The following PCDHGA2 variants were observed in gnomAD, a reference collection of about 807,000 sequenced individuals.
PCDHGA2 encodes the protein protocadherin gamma-A2.
PCDHGA2 carries 40 observed loss-of-function variants against 59.2 expected under a neutral mutation model. The ratio of observed to expected loss-of-function variants is 0.68; its 90% confidence interval spans 0.52 to 0.88. The LOEUF is 0.88. PCDHGA2 is among the 40% of genes least tolerant of loss of function. The pLI is 0.00. For missense variants in PCDHGA2, 1,226 were observed against 1,204.0 expected, an observed-to-expected ratio of 1.02 and a Z score of -0.27; for synonymous variants, 560 against 526.0, an observed-to-expected ratio of 1.06 and a Z score of -0.89.
In PCDHGA2 at chr5:141,339,963, C is replaced by G; in HGVS notation, c.992C>G (p.Ala331Gly). Residue 331 changes from alanine to glycine, a missense_variant, in exon 1 of 4, where the codon GCG becomes GGG. Ala to Gly is a moderately conservative substitution (Grantham distance 60). Transcript: ENST00000394576. Reference protein sequence around the residue: ...AQDGPGLLTRAKVIVTVLDVN... With the variant: ...AQDGPGLLTRGKVIVTVLDVN... Reference sequence around the variant, plus strand: ...GATGGTCCGGGCCTTCTAACCAGAGCGAAGGTTATCGTCACGGTTCTGGAT... The same window carrying G: ...GATGGTCCGGGCCTTCTAACCAGAGGGAAGGTTATCGTCACGGTTCTGGAT... 6.2e-7 allele frequency: 1 copy of G among 1,613,992 alleles called. No homozygotes were observed.
intron 2 of PCDHGA2, among the ~76,000 whole-genome samples, chr5:141,498,815 C>T (rs1595543994): frequency 6.6e-6 from 1 of 152,032 alleles, no homozygotes. Flanking sequence ...CACCTGTAGT[C>T]CCAGCTACTC....
chr5:141,364,866 C>T (rs749361969), intron 1 of PCDHGA2: 1 of 1,614,016 alleles, frequency 6.2e-7, no homozygotes, highest in Non-Finnish European at 8.5e-7. Context: ...CTGCACTTCT[C>T]TCTGGATGTG....
At chr5:141,388,971 CAT>C (rs1456846164) in intron 1 of PCDHGA2, 3 of 1,613,890 alleles carry the variant, frequency 1.9e-6, no homozygotes, top group Non-Finnish European at 2.5e-6. Context: ...GCTGGGAACA[CAT>C]ATTGCTTTGC....
rs1363636662 is a variant in PCDHGA2, at chr5:141,356,692, G to C, written c.2424+15297G>C. ...CTCCCTGGCCGAAGACACCTTCCAG[G>C]GTGCACCTCTGTCCTCCTATGTCTC... On this transcript the variant is annotated intron_variant, in intron 1 of 3. Transcript: ENST00000394576. The C allele has an allele frequency of 1.2e-6, 2 of 1,613,832 alleles. No homozygotes were observed. Among genetic ancestry groups the C allele is most frequent in the African/African-American group, 2.7e-5 (2 of 74,892 alleles).
At position 141,346,183 on chromosome 5, in the gene PCDHGA2, G is replaced by A. The variant is rs751662730; in HGVS notation, c.2424+4788G>A. On this transcript the variant is annotated intron_variant, in intron 1 of 3. Transcript: ENST00000394576. ...ATCGTGCTGCTGGCGCTCAGGCTGC[G>A]GCGCTGGCACAAGTCACGCCTGCTG... The A allele has an allele frequency of 4.2e-5, 68 of 1,613,934 alleles. No individual in the cohort carries two copies. The highest frequency in any genetic ancestry group is 2.0e-4 in the Admixed American group (12 of 59,996).
chr5:141,350,950 G>C (rs781241590), intron 1 of PCDHGA2: 1 of 1,613,932 alleles, frequency 6.2e-7, no homozygotes, highest in Non-Finnish European at 8.5e-7. Flanking sequence ...TCCGAGTTAC[G>C]GATGCCAATG....
At position 141,486,230 on chromosome 5, in the gene PCDHGA2, A is replaced by G. The variant is rs1463946178; in HGVS notation, c.2425-8577A>G. ...TGACAATGCCCCTTACATCACAGTG[A>G]CCTCAGAGCTTGGAACCCTCCCCGA... On this transcript the variant is annotated intron_variant, in intron 1 of 3. Coordinates refer to ENST00000394576, the MANE Select transcript of PCDHGA2 (RefSeq NM_018915.4). This position sits in a 1 kb window ranked among gnomAD's most constrained non-coding sequence, Gnocchi z 5.0. 2 of 1,613,898 alleles carry G rather than the reference A, an allele frequency of 1.2e-6. No individual in the cohort carries two copies. The highest frequency in any genetic ancestry group is 2.2e-5 in the East Asian group (1 of 44,878).
At chr5:141,426,334 C>T (rs551131722) in intron 1 of PCDHGA2, 1 of 186,734 alleles carries the variant, frequency 5.4e-6, no homozygotes, top group South Asian at 1.1e-4. Flanking sequence ...GTGGCAAGCA[C>T]TCTTCCCTTT....
Position 141,431,529 on chromosome 5 carries a change from T to G in PCDHGA2, c.2425-63278T>G, listed in dbSNP as rs145601545. The G allele has an allele frequency of 2.5e-6, 4 of 1,614,074 alleles. No homozygotes were observed. The highest frequency in any genetic ancestry group is 3.4e-6 in the Non-Finnish European group (4 of 1,180,030). ...GCGAGCGTTCCGGAGAATCTGGCCT[T>G]GGGCACGCAGCTGCTTGTAGTCAAC... On this transcript the variant is annotated intron_variant, in intron 1 of 3. Coordinates refer to ENST00000394576, the MANE Select transcript of PCDHGA2 (RefSeq NM_018915.4). The surrounding 1 kb of genome is among the most constrained non-coding windows in gnomAD (Gnocchi z 4.8).
At position 141,485,398 on chromosome 5, in the gene PCDHGA2, C is replaced by T. The variant is rs906016330; in HGVS notation, c.2425-9409C>T. The T allele has an allele frequency of 1.3e-5, 21 of 1,614,044 alleles. No individual in the cohort carries two copies. The highest frequency in any genetic ancestry group is 1.8e-5 in the Non-Finnish European group (21 of 1,179,928). On this transcript the variant is annotated intron_variant, in intron 1 of 3. Coordinates refer to ENST00000394576, the MANE Select transcript of PCDHGA2 (RefSeq NM_018915.4). This position sits in a 1 kb window ranked among gnomAD's most constrained non-coding sequence, Gnocchi z 5.7. ...CTGGAGAGGTGAACCAAAGACACTT[C>T]CGTGTGGATTTGGACAGCGGAGCCC...
rs34152666 is a variant in PCDHGA2 at position 141,428,860 on chromosome 5, C to CT, written c.2425-65934dup. 6.7e-4 allele frequency: 98 copies of CT among 145,544 alleles called. 1 individual carries two copies. The highest frequency in any genetic ancestry group is 1.4e-3 in the East Asian group (7 of 4,990). 9.0% of individuals were successfully genotyped at this position (145,544 alleles called of 1,614,324 possible). On this transcript the variant is annotated intron_variant, in intron 1 of 3. Transcript: ENST00000394576. ...ACATTTTCACCATTTTTACGGGAGA[C>CT]TTTTTTTTTTTTTGGACGGAGTCTC...
At chr5:141,414,352 T>C in intron 1 of PCDHGA2, 8 of 1,613,968 alleles carry the variant, frequency 5.0e-6, no homozygotes, top group Non-Finnish European at 6.8e-6. Flanking sequence ...CATTTTGGCG[T>C]ATCTACCATT....
chr5:141,358,149 C>T (rs1216761521), intron 1 of PCDHGA2, among the ~76,000 whole-genome samples: 1 of 152,210 alleles, frequency 6.6e-6, no homozygotes, highest in Non-Finnish European at 1.5e-5. Context: ...GAGATCATGA[C>T]ACTGTACTCC....
rs374680392 is a variant in PCDHGA2, at chr5:141,350,390, C to G, written c.2424+8995C>G. 1.1e-4 allele frequency: 173 copies of G among 1,596,702 alleles called. No individual in the cohort carries two copies. The highest frequency in any genetic ancestry group is 1.4e-4 in the Non-Finnish European group (167 of 1,169,146). ...TCCAGAGGAGCTAGCCAACGGCTCA[C>G]GGGTGGGGAAACTTGCCAAGGATCT... On this transcript the variant is annotated intron_variant, in intron 1 of 3. Transcript: ENST00000394576.
At position 141,364,458 on chromosome 5, in the gene PCDHGA2, C is replaced by G; in HGVS notation, c.2424+23063C>G. 6.2e-7 allele frequency: 1 copy of G among 1,614,028 alleles called. No homozygotes were observed. ...ATGCCGGAGGAGCTGGACAAAGGCT[C>G]CTTCGTCGGCAACATAGCCAAGGAC... On this transcript the variant is annotated intron_variant, in intron 1 of 3. Coordinates refer to ENST00000394576, the MANE Select transcript of PCDHGA2 (RefSeq NM_018915.4).
rs1024686607 is a variant in PCDHGA2, at chr5:141,487,597, T to C, written c.2425-7210T>C. 6.2e-7 allele frequency: 1 copy of C among 1,614,178 alleles called. No homozygotes were observed. The highest frequency in any genetic ancestry group is 8.5e-7 in the Non-Finnish European group (1 of 1,180,040). ...TTCGCCCAAGCTGCCCACCCTCTGA[T>C]CTTCTCTATGGGCTAGAGGTGAGAC... On this transcript the variant is annotated intron_variant, in intron 1 of 3. Coordinates refer to ENST00000394576, the MANE Select transcript of PCDHGA2 (RefSeq NM_018915.4). The surrounding 1 kb of genome is among the most constrained non-coding windows in gnomAD (Gnocchi z 5.0).
At position 141,493,061 on chromosome 5, in the gene PCDHGA2, C is replaced by G. The variant is rs1386090478; in HGVS notation, c.2425-1746C>G. On this transcript the variant is annotated intron_variant, in intron 1 of 3. Transcript: ENST00000394576. The surrounding 1 kb of genome is among the most constrained non-coding windows in gnomAD (Gnocchi z 4.3). The stretch of plus-strand genomic sequence containing the variant: ...GAGGAAACTACAATAGTAAAAAACA[C>G]AAGTTTCTCCAACTCCAGGAGCTTT... Among the ~76,000 whole-genome samples the G allele has an allele frequency of 6.6e-6, 1 of 152,228 alleles. No individual in the cohort carries two copies. Among genetic ancestry groups the G allele is most frequent in the African/African-American group, 2.4e-5 (1 of 41,446 alleles).
Position 141,511,376 on chromosome 5 carries a change from G to C in PCDHGA2, c.*203G>C. ...CCAGGGGGTTGAATATGCAAAAGCA[G>C]TTCCGCTGGGAACCCCCATCCAATC... On this transcript the variant is annotated 3_prime_UTR_variant, in exon 4 of 4. Coordinates refer to ENST00000394576, the MANE Select transcript of PCDHGA2 (RefSeq NM_018915.4). 1 of 1,211,520 alleles carries C rather than the reference G, an allele frequency of 8.3e-7. No homozygotes were observed. The allele number at this position is 1,211,520 out of a possible 1,614,324, so 75.0% of individuals were successfully genotyped here.
chr5:141,402,908 G>C (rs772824235), intron 1 of PCDHGA2: 1 of 1,545,226 alleles, frequency 6.5e-7, no homozygotes, highest in African/African-American at 1.4e-5. Flanking sequence ...TGATGAAGCA[G>C]CGCGCACAGA....
Sources: allele counts gnomAD v4.1 joint callset (sites outside exome capture counted in the v4.1 genomes callset), GRCh38; gene constraint gnomAD v4.1.1; non-coding constraint Gnocchi (gnomAD v3.1); transcripts MANE v1.5; gene names NCBI Gene and HGNC (gene_info 2026-07-23, HGNC 2026-07-21).